Variants in ALPK2 observed in about 807,000 individuals in gnomAD.
The protein encoded by ALPK2 is alpha-protein kinase 2.
A neutral mutation model predicts 163.1 loss-of-function variants in ALPK2; 127 were observed. That is an observed-to-expected ratio of 0.78 (90% CI 0.67 to 0.90). ALPK2 has a LOEUF of 0.90. Among genes scored for constraint, ALPK2 ranks in the 40% least tolerant of loss-of-function variants. ALPK2 has a pLI of 0.00. For synonymous variants in ALPK2, 953 were observed against 959.1 expected, an observed-to-expected ratio of 0.99 and a Z score of 0.12; for missense variants, 2,360 against 2,589.6, an observed-to-expected ratio of 0.91 and a Z score of 1.92.
chr18:58,577,465 A>G (rs2051927943), intron 4 of ALPK2, among the ~76,000 whole-genome samples: 1 of 152,228 alleles, frequency 6.6e-6, no homozygotes, highest in African/African-American at 2.4e-5. Context: ...AGAGCATTTT[A>G]TGACTAGAAA....
At chr18:58,560,923 G>T (rs1276044270) in intron 4 of ALPK2, among the ~76,000 whole-genome samples, 3 of 152,334 alleles carry the variant, frequency 2.0e-5, no homozygotes, top group Middle Eastern at 6.8e-3. Flanking sequence ...AGAATGGCCA[G>T]TGAGAGATTT....
intron 12 of ALPK2, among the ~76,000 whole-genome samples, chr18:58,493,460 C>A (rs2051385350): frequency 6.6e-6 from 1 of 152,128 alleles, no homozygotes; most frequent in Non-Finnish European, 1.5e-5. Flanking sequence ...GGTGGTGGCT[C>A]GGCCTTGTGA....
intron 4 of ALPK2, among the ~76,000 whole-genome samples, chr18:58,542,042 A>G (rs1013740688): frequency 5.3e-5 from 8 of 152,224 alleles, no homozygotes; most frequent in African/African-American, 1.7e-4. Context: ...TGCTGACACA[A>G]TTTCCTTATG....
chr18:58,593,777 C>T (rs1166776563), intron 3 of ALPK2, among the ~76,000 whole-genome samples: 14 of 151,844 alleles, frequency 9.2e-5, no homozygotes. Flanking sequence ...ACTTGGGAGG[C>T]TGAGGCATGA....
intron 4 of ALPK2, among the ~76,000 whole-genome samples, chr18:58,555,270 T>C (rs2051784225): frequency 6.6e-6 from 1 of 152,206 alleles, no homozygotes; most frequent in African/African-American, 2.4e-5. Context: ...TTGGAAGTAA[T>C]TAACCTGCAC....
At position 58,536,923 on chromosome 18, in the gene ALPK2, C is replaced by G; in HGVS notation, c.3264G>C (p.Gln1088His). 6.2e-7 allele frequency: 1 copy of G among 1,614,218 alleles called. No individual in the cohort carries two copies. ...TGCAGAAACCCTCTCCCTCTGGGAG[C>G]TGCAGGACATGGTGTGGGACTCCTG... is the stretch of plus-strand genomic sequence containing the variant. ...SVPGVPHHVL[Q>H]LPEGEGFCSN... The change falls in exon 5 of 13, where the codon CAG becomes CAC. Residue 1088 changes from glutamine to histidine, a missense_variant. Physicochemically the swap from Gln to His is conservative, Grantham distance 24. Transcript: ENST00000361673.
At chr18:58,483,254 G>A (rs1306385833) in intron 12 of ALPK2, among the ~76,000 whole-genome samples, 1 of 152,126 alleles carries the variant, frequency 6.6e-6, no homozygotes, top group Non-Finnish European at 1.5e-5. Flanking sequence ...CATTCACTCA[G>A]CCCCTCCCCA....
In ALPK2 at chr18:58,538,202, C is replaced by CT; in HGVS notation, c.1984dup (p.Arg662LysfsTer59). On this transcript the variant is annotated frameshift_variant, in exon 5 of 13. Coordinates refer to ENST00000361673, the MANE Select transcript of ALPK2 (RefSeq NM_052947.4). LOFTEE classifies it high-confidence loss of function. Reference sequence around the variant, plus strand: ...CATCTGGCTGCAAGAGATTGTCTCTCTGACTGTTTCCTGAACTTGTACCTA... The same window carrying CT: ...CATCTGGCTGCAAGAGATTGTCTCTCTTGACTGTTTCCTGAACTTGTACCTA... 1.9e-6 allele frequency: 3 copies of CT among 1,611,226 alleles called. No homozygotes were observed. Among genetic ancestry groups the CT allele is most frequent in the Non-Finnish European group, 2.5e-6 (3 of 1,179,932 alleles).
chr18:58,522,850 T>C (rs1217189390), intron 8 of ALPK2, among the ~76,000 whole-genome samples: 1 of 152,128 alleles, frequency 6.6e-6, no homozygotes, highest in Non-Finnish European at 1.5e-5. Flanking sequence ...GAACTTACAA[T>C]AGGAAGTATG....
intron 3 of ALPK2, among the ~76,000 whole-genome samples, chr18:58,583,367 T>C (rs969799195): frequency 6.6e-6 from 1 of 151,778 alleles, no homozygotes; most frequent in Non-Finnish European, 1.5e-5. Flanking sequence ...CCTGAACTAG[T>C]TTTTTAGGTT....
At position 58,579,655 on chromosome 18, in the gene ALPK2, C is replaced by G. The variant is rs748294992; in HGVS notation, c.1121G>C (p.Cys374Ser). 5 of 1,613,984 alleles carry G rather than the reference C, an allele frequency of 3.1e-6. No individual in the cohort carries two copies. In the Admixed American group the frequency reaches 8.3e-5, roughly 27 times the overall value. ...ACCCATTCCACTGAGGAAATGCTCA[C>G]ACCCACCCAGGCAATGCTCACCGAA... is the stretch of plus-strand genomic sequence containing the variant. ...MEFGEHCLGGCEHFLSGMGCG... is the reference protein window; with the variant it reads ...MEFGEHCLGGSEHFLSGMGCG... The change falls in exon 4 of 13, where the codon TGT becomes TCT. Residue 374 changes from cysteine to serine, a missense_variant. Transcript: ENST00000361673.
intron 3 of ALPK2, 106 bp from the exon 4 acceptor site, chr18:58,580,654 TC>T: frequency 9.3e-7 from 1 of 1,072,426 alleles, no homozygotes; most frequent in Middle Eastern, 2.8e-4. Context: ...TACTGCATGT[TC>T]AAGGAGATCT....
chr18:58,481,574 A>G lies in ALPK2; in HGVS notation c.*249T>C. The G allele has an allele frequency of 1.9e-6, 1 of 526,272 alleles. No individual in the cohort carries two copies. The highest frequency in any genetic ancestry group is 3.4e-6 in the Non-Finnish European group (1 of 292,290). The allele number at this position is 526,272 out of a possible 1,614,324, so 32.6% of individuals were successfully genotyped here. On this transcript the variant is annotated 3_prime_UTR_variant, in exon 13 of 13. Transcript: ENST00000361673. ...GTAAAAATGCTAAACATGTATATAA[A>G]GAATGGACTGTCTTTGAGACCAATC...
intron 5 of ALPK2, among the ~76,000 whole-genome samples, chr18:58,530,710 G>A (rs369318490): frequency 3.3e-5 from 5 of 152,324 alleles, no homozygotes; most frequent in East Asian, 3.9e-4. Context: ...TTGTTTAGCC[G>A]AGGGGCTTTG....
chr18:58,581,447 C>T (rs1036246652), intron 3 of ALPK2, among the ~76,000 whole-genome samples: 9 of 152,244 alleles, frequency 5.9e-5, no homozygotes, highest in Admixed American at 3.3e-4. Flanking sequence ...TTCTGACTCA[C>T]ATAGATCAAG....
chr18:58,536,669 G>A lies in ALPK2; in HGVS notation c.3518C>T (p.Ala1173Val), dbSNP rs1212898556. 2 of 1,614,048 alleles carry A rather than the reference G, an allele frequency of 1.2e-6. No individual in the cohort carries two copies. Among genetic ancestry groups the A allele is most frequent in the Admixed American group, 1.7e-5 (1 of 59,998 alleles). ...AQEERNLVPT[A>V]HSPASSREGA... is the part of the protein sequence containing the mutation. ...TTCCCTAGAGCTTGCGGGTGAGTGG[G>A]CCGTGGGCACCAAGTTTCTTTCCTC... Residue 1173 changes from alanine (A) to valine (V), a missense_variant, in exon 5 of 13, where the codon GCC becomes GTC. Physicochemically the swap from Ala to Val is moderately conservative, Grantham distance 64. Transcript: ENST00000361673.
chr18:58,499,971 C>T (rs1039948009), intron 11 of ALPK2, among the ~76,000 whole-genome samples: 49 of 152,220 alleles, frequency 3.2e-4, no homozygotes, highest in Non-Finnish European at 1.9e-4. Flanking sequence ...GATTAATGCT[C>T]GGATTCAGCG....
intron 3 of ALPK2, among the ~76,000 whole-genome samples, chr18:58,602,523 G>A (rs1173651102): frequency 6.6e-6 from 1 of 152,050 alleles, no homozygotes; most frequent in Non-Finnish European, 1.5e-5. Context: ...GCTTGCCATT[G>A]CATCACCCCA....
intron 3 of ALPK2, among the ~76,000 whole-genome samples, chr18:58,601,369 A>G (rs2052068790): frequency 6.6e-6 from 1 of 152,266 alleles, no homozygotes; most frequent in South Asian, 2.1e-4. Context: ...TTTCCCACAG[A>G]TAGAAGATAC....
Sources: allele counts gnomAD v4.1 joint callset (sites outside exome capture counted in the v4.1 genomes callset), GRCh38; gene constraint gnomAD v4.1.1; transcripts MANE v1.5; gene names NCBI Gene and HGNC (gene_info 2026-07-23, HGNC 2026-07-21).